ABCD2: variants seen among roughly 807,000 people sequenced by gnomAD.
ABCD2 encodes the protein ATP binding cassette subfamily D member 2, also known as ATP-binding cassette sub-family D member 2.
Under a neutral mutation model 70.9 loss-of-function variants are expected in ABCD2, and 36 were observed. The ratio of observed to expected loss-of-function variants is 0.51; its 90% CI spans 0.39 to 0.67. The LOEUF is 0.67. ABCD2 is among the 30% of genes least tolerant of loss of function. The pLI is 0.00. For missense variants in ABCD2, 729 were observed against 890.2 expected, an observed-to-expected ratio of 0.82 and a Z score of 2.30; for synonymous variants, 304 against 306.9, an observed-to-expected ratio of 0.99 and a Z score of 0.10.
the ABCD2 span, among the ~76,000 whole-genome samples, chr12:39,538,881 G>A: frequency 5.3e-5 from 8 of 152,254 alleles, no homozygotes; most frequent in South Asian, 1.5e-3. Flanking sequence ...CGCCGTGCGG[G>A]TACTATGTAG....
At chr12:39,615,612 G>A (rs1400738204) in intron 2 of ABCD2, among the ~76,000 whole-genome samples, 1 of 151,954 alleles carries the variant, frequency 6.6e-6, no homozygotes, top group African/African-American at 2.4e-5. Flanking sequence ...CATTTGTGAA[G>A]TATAATTGAT....
At position 39,554,061 on chromosome 12, in the gene ABCD2, T is replaced by C. The variant is rs756525333; in HGVS notation, c.2074A>G (p.Ile692Val). 3.7e-6 allele frequency: 6 copies of C among 1,613,774 alleles called. No homozygotes were observed. The highest frequency in any genetic ancestry group is 4.2e-6 in the Non-Finnish European group (5 of 1,179,834). ...TTTTCTTCACTCAATGTCAAACGGATAGCAGTATCCAATTGTTCAAAGCGC... is the reference window on the plus strand; with the variant it reads ...TTTTCTTCACTCAATGTCAAACGGACAGCAGTATCCAATTGTTCAAAGCGC... The part of the protein sequence containing the change: ...GWRFEQLDTA[I>V]RLTLSEEKQK... Residue 692 changes from isoleucine to valine, a missense_variant, in exon 10 of 10, where the codon ATC (isoleucine) becomes GTC (valine). This residue lies in a region of ABCD2 where 289 missense variants were observed against 328.8 expected (regional missense o/e 0.88). Transcript: ENST00000308666.
intron 9 of ABCD2, among the ~76,000 whole-genome samples, chr12:39,570,606 C>T (rs1357985082): frequency 6.6e-6 from 1 of 152,062 alleles, no homozygotes; most frequent in Non-Finnish European, 1.5e-5. Flanking sequence ...GACTTCAATG[C>T]AAGACCTGAA....
intron 2 of ABCD2, among the ~76,000 whole-genome samples, chr12:39,609,924 G>C (rs1234148885): frequency 1.3e-5 from 2 of 152,126 alleles, no homozygotes; most frequent in Non-Finnish European, 2.9e-5. Context: ...TTTCCTGAGA[G>C]AGCTTACAGC....
rs1483463400 is a variant in ABCD2, at chr12:39,586,194, G to C, written c.1750C>G (p.Leu584Val). 3.7e-6 allele frequency: 6 copies of C among 1,613,242 alleles called. No individual in the cohort carries two copies. Among genetic ancestry groups the C allele is most frequent in the Admixed American group, 1.7e-5 (1 of 59,962 alleles). The change falls in exon 7 of 10, where the codon CTA becomes GTA. Residue 584 changes from leucine (L) to valine (V), a missense_variant. Transcript: ENST00000308666. ...ATGTGATAGAGATGGACATTGTGTA[G>C]GATACGTTCCAGATCTTGGTCTGTA... Reference protein sequence around the residue: ...GYTDQDLERILHNVHLYHIVQ... With the variant: ...GYTDQDLERIVHNVHLYHIVQ...
At chr12:39,601,969 A>G (rs1003110141) in intron 5 of ABCD2, among the ~76,000 whole-genome samples, 1 of 151,926 alleles carries the variant, frequency 6.6e-6, no homozygotes, top group Non-Finnish European at 1.5e-5. Context: ...GCCATTCTCT[A>G]TTAGGCATTC....
At chr12:39,577,035 A>C (rs969766638) in intron 8 of ABCD2, among the ~76,000 whole-genome samples, 13 of 152,070 alleles carry the variant, frequency 8.5e-5, no homozygotes, top group Non-Finnish European at 7.4e-5. Flanking sequence ...AATAATAAAA[A>C]TAACAACGAA....
intron 6 of ABCD2, among the ~76,000 whole-genome samples, chr12:39,589,481 C>T (rs1370328501): frequency 6.6e-6 from 1 of 151,110 alleles, no homozygotes; most frequent in Admixed American, 6.6e-5. Context: ...GCTCCGCCTC[C>T]CGGGTTCTCG....
At chr12:39,535,468 G>A in the ABCD2 span, among the ~76,000 whole-genome samples, 2 of 152,062 alleles carry the variant, frequency 1.3e-5, no homozygotes, top group Non-Finnish European at 2.9e-5. Flanking sequence ...AGTATCAAAG[G>A]TAGTTTGTAG....
At chr12:39,535,997 C>T in the ABCD2 span, among the ~76,000 whole-genome samples, 1 of 152,092 alleles carries the variant, frequency 6.6e-6, no homozygotes, top group East Asian at 1.9e-4. Context: ...CAAAAATTAG[C>T]CGGAAATCAC....
chr12:39,598,660 A>G (rs1216311298), intron 6 of ABCD2, among the ~76,000 whole-genome samples: 1 of 152,094 alleles, frequency 6.6e-6, no homozygotes, highest in Non-Finnish European at 1.5e-5. Context: ...TCAGCCTCCC[A>G]AAGTGCTGGG....
At chr12:39,543,619 A>G in the ABCD2 span, among the ~76,000 whole-genome samples, 1 of 152,228 alleles carries the variant, frequency 6.6e-6, no homozygotes, top group Admixed American at 6.5e-5. Context: ...CATACAATCC[A>G]GGCTTTAGTA....
At chr12:39,568,531 AT>A (rs997429453) in intron 9 of ABCD2, among the ~76,000 whole-genome samples, 6 of 151,608 alleles carry the variant, frequency 4.0e-5, no homozygotes, top group Non-Finnish European at 7.4e-5. Context: ...CATTCGTCTA[AT>A]TTTTTTTCAA....
intron 2 of ABCD2, among the ~76,000 whole-genome samples, chr12:39,611,020 T>G (rs1300927020): frequency 1.3e-5 from 2 of 152,192 alleles, no homozygotes; most frequent in African/African-American, 4.8e-5. Context: ...AAGTTCCTCA[T>G]TTAAGGATTT....
At chr12:39,564,551 T>G (rs955974151) in intron 9 of ABCD2, among the ~76,000 whole-genome samples, 4 of 152,336 alleles carry the variant, frequency 2.6e-5, no homozygotes, top group Admixed American at 6.5e-5. Context: ...ATGAGTAGAT[T>G]GCAAAAATTT....
At chr12:39,535,565 A>G in the ABCD2 span, among the ~76,000 whole-genome samples, 1 of 152,216 alleles carries the variant, frequency 6.6e-6, no homozygotes, top group Non-Finnish European at 1.5e-5. Flanking sequence ...CTACATAGTT[A>G]ACATATTCAA....
At chr12:39,607,955 G>A (rs1941993195) in intron 2 of ABCD2, among the ~76,000 whole-genome samples, 1 of 152,034 alleles carries the variant, frequency 6.6e-6, no homozygotes, top group South Asian at 2.1e-4. Flanking sequence ...ATCACTTGAG[G>A]TCAGGAATTT....
intron 6 of ABCD2, among the ~76,000 whole-genome samples, chr12:39,598,255 G>A (rs1036357445): frequency 1.3e-5 from 2 of 152,144 alleles, no homozygotes; most frequent in Non-Finnish European, 2.9e-5. Context: ...CACAAAAAGT[G>A]AATACAGGGG....
At position 39,619,102 on chromosome 12, in the gene ABCD2, C is replaced by T. The variant is rs747525311; in HGVS notation, c.514G>A (p.Ala172Thr). 1 of 1,614,182 alleles carries T rather than the reference C, an allele frequency of 6.2e-7. No homozygotes were observed. The highest frequency in any genetic ancestry group is 1.1e-5 in the South Asian group (1 of 91,078). Reference sequence around the variant, plus strand: ...ACTAGGCGAGTTCTGAAGGCCAAAGCCAATTTGCATTCCAGGTACCTTATT... The same window carrying T: ...ACTAGGCGAGTTCTGAAGGCCAAAGTCAATTTGCATTCCAGGTACCTTATT... ...SAIRYLECKL[A>T]LAFRTRLVDH... The change falls in exon 1 of 10, where the codon GCT becomes ACT. Residue 172 changes from alanine to threonine, a missense_variant. By Grantham distance (58) the Ala-to-Thr change is moderately conservative. This residue lies in a region of ABCD2 where 245 missense variants were observed against 261.2 expected (regional missense o/e 0.94). Transcript: ENST00000308666.
Sources: allele counts gnomAD v4.1 joint callset (sites outside exome capture counted in the v4.1 genomes callset), GRCh38; gene constraint gnomAD v4.1.1; regional missense constraint gnomAD v4.1.1; transcripts MANE v1.5; gene names NCBI Gene and HGNC (gene_info 2026-07-23, HGNC 2026-07-21).